The following HEATR6 variants were observed in gnomAD, a reference collection of about 807,000 sequenced individuals.
HEATR6 encodes HEAT repeat-containing protein 6.
In HEATR6, 106 loss-of-function variants were observed where a neutral mutation model predicts 132.8. That is an observed-to-expected ratio of 0.80 (90% CI 0.68 to 0.94). HEATR6 has a LOEUF of 0.94. HEATR6 is among the 40% of genes least tolerant of loss of function. The pLI is 0.00. For missense variants in HEATR6, 1,339 were observed against 1,425.1 expected (o/e 0.94, Z 0.97); for synonymous variants, 529 against 537.8 (o/e 0.98, Z 0.23).
chr17:60,043,004 C>T lies in HEATR6; in HGVS notation c.*559G>A, dbSNP rs1906232474. 1 of 146,570 alleles carries T rather than the reference C, an allele frequency of 6.8e-6. No homozygotes were observed. The highest frequency in any genetic ancestry group is 2.2e-4 in the East Asian group (1 of 4,486). The allele number at this position is 146,570 out of a possible 1,614,324, so 9.1% of individuals were successfully genotyped here. ...CCTCGCGTCCTGTGTGGCTGTGAGG[C>T]ACCGTCAGCATCCTCGCGTCCTGTG... On this transcript the variant is annotated 3_prime_UTR_variant, in exon 20 of 20. Coordinates refer to ENST00000184956, the MANE Select transcript of HEATR6 (RefSeq NM_022070.5).
rs766511283 is a variant in HEATR6 at position 60,049,725 on chromosome 17, G to C, written c.2425-23C>G. ...ATTCTGCAATGAGAAGGTTGACAAG[G>C]GAAAAATGAGAATGAAATAACTACA... is the stretch of plus-strand genomic sequence containing the variant. On this transcript the variant is annotated intron_variant, in intron 15 of 19. Transcript: ENST00000184956. 9 of 1,608,332 alleles carry C rather than the reference G, an allele frequency of 5.6e-6. No individual in the cohort carries two copies. In the African/African-American group the frequency reaches 1.2e-4, roughly 22 times the overall value.
intron 9 of HEATR6, chr17:60,064,637 TACA>T (rs1022321940): frequency 3.9e-5 from 6 of 152,104 alleles, no homozygotes; most frequent in African/African-American, 1.4e-4. Flanking sequence ...GTACTGGATC[TACA>T]ACATCTCCAG....
At chr17:60,057,852 T>C (rs991984779) in intron 11 of HEATR6, among the ~76,000 whole-genome samples, 2 of 152,150 alleles carry the variant, frequency 1.3e-5, no homozygotes, top group African/African-American at 4.8e-5. Flanking sequence ...TTTTTTTGCA[T>C]GTGATGTCCA....
Position 60,076,264 on chromosome 17 carries a change from A to T in HEATR6, c.220-27T>A, listed in dbSNP as rs562278434. 20 of 1,274,576 alleles carry T rather than the reference A, an allele frequency of 1.6e-5. No homozygotes were observed. The South Asian group carries it at 2.5e-4, about 16-fold the overall frequency. The allele number at this position is 1,274,576 out of a possible 1,614,324, so 79.0% of individuals were successfully genotyped here. A position where few individuals can be genotyped will look rare whatever the true frequency, so the allele number is the denominator to read the frequency against. On this transcript the variant is annotated intron_variant, in intron 1 of 19. Transcript: ENST00000184956. ...TACCAAAAAAAAAAAGATAAGAGGTAAAATACTTATTAGTCAAGTGAAGAT... is the reference window on the plus strand; with the variant it reads ...TACCAAAAAAAAAAAGATAAGAGGTTAAATACTTATTAGTCAAGTGAAGAT...
intron 15 of HEATR6, among the ~76,000 whole-genome samples, chr17:60,050,006 A>C (rs1906525774): frequency 1.3e-5 from 2 of 152,196 alleles, no homozygotes; most frequent in Admixed American, 1.3e-4. Context: ...CCAAAGAAAA[A>C]AAGCAGTCTG....
In HEATR6 at chr17:60,042,788, G is replaced by A. The variant is rs1391602623; in HGVS notation, c.*775C>T. Among the ~76,000 whole-genome samples the A allele has an allele frequency of 3.0e-5, 2 of 65,840 alleles. No individual in the cohort carries two copies. Among genetic ancestry groups the A allele is most frequent in the Admixed American group, 1.7e-4 (1 of 6,038 alleles). The allele number at this position is 65,840 out of a possible 152,430, so 43.2% of individuals were successfully genotyped here. A position where few individuals can be genotyped will look rare whatever the true frequency, so the allele number is the denominator to read the frequency against. ...GCGTCCTGTGTGGCTGTGAGGCACC[G>A]TCAGCATCCTCGCGTCCTGTGTGGC... On this transcript the variant is annotated 3_prime_UTR_variant, in exon 20 of 20. Coordinates refer to ENST00000184956, the MANE Select transcript of HEATR6 (RefSeq NM_022070.5).
At chr17:60,075,004 C>T (rs1056420634) in intron 2 of HEATR6, among the ~76,000 whole-genome samples, 2 of 152,150 alleles carry the variant, frequency 1.3e-5, no homozygotes, top group Admixed American at 6.5e-5. Context: ...TAGCTGGAGC[C>T]ATTCACAATA....
Position 60,055,604 on chromosome 17 carries a change from G to A in HEATR6, c.2203-3C>T, listed in dbSNP as rs777322742. 4 of 1,606,140 alleles carry A rather than the reference G, an allele frequency of 2.5e-6. No individual in the cohort carries two copies. The highest frequency in any genetic ancestry group is 1.7e-5 in the Admixed American group (1 of 58,526). The stretch of plus-strand genomic sequence containing the variant: ...CCTGTGCCCAGTTCTTCCAGAAGCT[G>A]CCAAGAAAAAGAATTACCGAAGTGG... On this transcript the variant is annotated splice_polypyrimidine_tract_variant and splice_region_variant and intron_variant, in intron 13 of 19. Transcript: ENST00000184956.
chr17:60,073,305 G>T, intron 3 of HEATR6, 26 bp from the exon 4 acceptor site: 1 of 1,310,206 alleles, frequency 7.6e-7, no homozygotes, highest in African/African-American at 1.5e-5. Flanking sequence ...GTCAATGTAG[G>T]TCAAAGAAAA....
intron 19 of HEATR6, among the ~76,000 whole-genome samples, 154 bp downstream of exon 19, chr17:60,045,871 G>A (rs1011930086): frequency 7.9e-5 from 12 of 152,192 alleles, no homozygotes; most frequent in Non-Finnish European, 1.5e-4. Flanking sequence ...AGGTAATGAT[G>A]TATTTCAATG....
chr17:60,071,204 G>C (rs2083268471), intron 5 of HEATR6, among the ~76,000 whole-genome samples: 3 of 152,126 alleles, frequency 2.0e-5, no homozygotes, highest in Admixed American at 2.0e-4. Context: ...ATGTATGTGG[G>C]AACTGCTGAT....
chr17:60,057,327 T>C lies in HEATR6; in HGVS notation c.1800A>G (p.Gln600=), dbSNP rs370703073. The part of the protein sequence containing the change: ...VSTHAPLPEV[Q]LLLQQPCSSG... ...AAGAACATGGCTGTTGCAGAAGTAG[T>C]TGGACTTCAGGTAAAGGTGCGTGGG... is the stretch of plus-strand genomic sequence containing the variant. The change falls in exon 12 of 20, where the codon CAA becomes CAG. Residue 600 remains glutamine (Q), a synonymous_variant. Coordinates refer to ENST00000184956, the MANE Select transcript of HEATR6 (RefSeq NM_022070.5). 32 of 1,614,114 alleles carry C rather than the reference T, an allele frequency of 2.0e-5. No individual in the cohort carries two copies. The highest frequency in any genetic ancestry group is 3.3e-4 in the Middle Eastern group (2 of 6,062).
intron 14 of HEATR6, among the ~76,000 whole-genome samples, chr17:60,052,411 G>A (rs1359080342): frequency 1.3e-5 from 2 of 152,178 alleles, no homozygotes; most frequent in Non-Finnish European, 2.9e-5. Context: ...GACAAGCAAT[G>A]TAGAAAACAT....
Position 60,078,753 on chromosome 17 carries a change from C to T in HEATR6, c.162G>A (p.Leu54=). 1 of 1,565,294 alleles carries T rather than the reference C, an allele frequency of 6.4e-7. No individual in the cohort carries two copies. The highest frequency in any genetic ancestry group is 1.9e-5 in the Admixed American group (1 of 52,584). ...DSSSARTEIH[L]LFDQLISENY... is the part of the protein sequence containing the mutation. The stretch of plus-strand genomic sequence containing the variant: ...TCTCGGAGATGAGCTGATCGAAGAG[C>T]AGGTGGATCTCGGTGCGGGCGGAGC... Residue 54 remains leucine (L), a synonymous_variant, in exon 1 of 20, where the codon CTG becomes CTA. Coordinates refer to ENST00000184956, the MANE Select transcript of HEATR6 (RefSeq NM_022070.5).
chr17:60,054,275 G>A (rs776685999), intron 14 of HEATR6, among the ~76,000 whole-genome samples: 2 of 152,246 alleles, frequency 1.3e-5, no homozygotes, highest in East Asian at 1.9e-4. Flanking sequence ...ATTCAAATGC[G>A]AAGAAGGCTT....
intron 15 of HEATR6, 131 bp downstream of exon 15, chr17:60,050,712 C>T: frequency 9.1e-7 from 1 of 1,100,436 alleles, no homozygotes; most frequent in Non-Finnish European, 1.3e-6. Context: ...TGCCCTCATC[C>T]CCAACTCAAG....
intron 12 of HEATR6, 94 bp downstream of exon 12, chr17:60,056,954 C>T: frequency 1.2e-6 from 1 of 805,394 alleles, no homozygotes; most frequent in Non-Finnish European, 2.0e-6. Flanking sequence ...ACACAATTGA[C>T]ATATGGCTTG....
At position 60,043,095 on chromosome 17, in the gene HEATR6, A is replaced by G. The variant is rs111365058; in HGVS notation, c.*468T>C. On this transcript the variant is annotated 3_prime_UTR_variant, in exon 20 of 20. Coordinates refer to ENST00000184956, the MANE Select transcript of HEATR6 (RefSeq NM_022070.5). ...TGTGAGGCACTGTCAGCATCCTCGC[A>G]TCCTGTGCAGCTGGGCCAGGACAAA... 240 of 249,700 alleles carry G rather than the reference A, an allele frequency of 9.6e-4. 8 individuals carry two copies. The highest frequency in any genetic ancestry group is 3.1e-3 in the African/African-American group (116 of 37,756). 15.5% of individuals were successfully genotyped at this position (249,700 alleles called of 1,614,324 possible).
At chr17:60,067,337 G>T in intron 8 of HEATR6, 97 bp downstream of exon 8, 2 of 769,306 alleles carry the variant, frequency 2.6e-6, no homozygotes, top group Non-Finnish European at 3.9e-6. Context: ...CAGAAATCAG[G>T]CTCTTCAAGT....
Sources: gnomAD v4.1 joint callset for allele counts (sites outside exome capture counted in the v4.1 genomes callset) on GRCh38, gnomAD v4.1.1 for gene constraint, MANE v1.5 for transcripts, NCBI Gene and HGNC (gene_info 2026-07-23, HGNC 2026-07-21) for gene names.